The following PRKCZ variants were observed in gnomAD, a reference collection of about 807,000 sequenced individuals.
PRKCZ encodes protein kinase C zeta type.
A neutral mutation model predicts 79.5 loss-of-function variants in PRKCZ; 33 were observed. That is an observed-to-expected ratio of 0.41 (90% confidence interval 0.31 to 0.55). The LOEUF is 0.55. PRKCZ is among the 20% of genes least tolerant of loss of function. The probability of loss-of-function intolerance (pLI) is 0.19; values close to 1 mark genes in which losing one functional copy is unlikely to be tolerated. For missense variants in PRKCZ, 578 were observed against 813.5 expected, an observed-to-expected ratio of 0.71 and a Z score of 3.52; for synonymous variants, 342 against 320.9, an observed-to-expected ratio of 1.07 and a Z score of -0.70.
At chr1:2,162,136 C>G (rs367625640) in intron 10 of PRKCZ, among the ~76,000 whole-genome samples, 2 of 152,122 alleles carry the variant, frequency 1.3e-5, no homozygotes, top group South Asian at 4.1e-4. Flanking sequence ...CTGGGATTTT[C>G]TTTTCTTTTC....
rs58233626 is a variant in PRKCZ, at chr1:2,117,998, C to CCTTTTTTTTTTTTTTTTTTTTTTTTTTT, written c.335-17264_335-17263insCTTTTTTTTTTTTTTTTTTTTTTTTTTT. Among the ~76,000 whole-genome samples the CCTTTTTTTTTTTTTTTTTTTTTTTTTTT allele has an allele frequency of 9.2e-5, 6 of 65,058 alleles. 3 individuals carry two copies. Among genetic ancestry groups the CCTTTTTTTTTTTTTTTTTTTTTTTTTTT allele is most frequent in the African/African-American group, 1.2e-4 (2 of 16,166 alleles). The allele number at this position is 65,058 out of a possible 152,430, so 42.7% of individuals were successfully genotyped here. A position where few individuals can be genotyped will look rare whatever the true frequency, so the allele number is the denominator to read the frequency against. ...TATGAGAGAGATTAGCCTATTATTT[C>CCTTTTTTTTTTTTTTTTTTTTTTTTTTT]TTTTTTTTTTTTTTTTGGAGTCTCA... On this transcript the variant is annotated intron_variant, in intron 4 of 17. Coordinates refer to ENST00000378567, the MANE Select transcript of PRKCZ (RefSeq NM_002744.6).
At chr1:2,151,128 G>C (rs762454506) in intron 9 of PRKCZ, 150 bp downstream of exon 9, 1 of 973,764 alleles carries the variant, frequency 1.0e-6, no homozygotes, top group Non-Finnish European at 1.5e-6. Context: ...ATCGTGTAAT[G>C]ACCAGGATGT....
intron 4 of PRKCZ, among the ~76,000 whole-genome samples, chr1:2,132,400 C>T (rs1471083020): frequency 1.3e-5 from 2 of 152,184 alleles, no homozygotes; most frequent in Non-Finnish European, 2.9e-5. Flanking sequence ...GGCTGCCGGG[C>T]CCTAGGGGGA....
chr1:2,108,361 T>C (rs901606532), intron 4 of PRKCZ, among the ~76,000 whole-genome samples: 2 of 152,216 alleles, frequency 1.3e-5, no homozygotes, highest in African/African-American at 2.4e-5. Context: ...CCTGCAGCCA[T>C]GCATTGACCT....
At chr1:2,053,228 G>T (rs1659852784) in intron 1 of PRKCZ, among the ~76,000 whole-genome samples, 1 of 151,844 alleles carries the variant, frequency 6.6e-6, no homozygotes, top group Non-Finnish European at 1.5e-5. Flanking sequence ...AGCCTCCCTA[G>T]TATCTAGGAC....
rs1673680741 is a variant in PRKCZ, at chr1:2,125,452, A to T, written c.335-9810A>T. 6.6e-6 allele frequency among the ~76,000 whole-genome samples: 1 copy of T among 152,220 alleles called. No homozygotes were observed. Among genetic ancestry groups the T allele is most frequent in the African/African-American group, 2.4e-5 (1 of 41,464 alleles). On this transcript the variant is annotated intron_variant, in intron 4 of 17. Coordinates refer to ENST00000378567, the MANE Select transcript of PRKCZ (RefSeq NM_002744.6). This position sits in a 1 kb window ranked among gnomAD's most constrained non-coding sequence, Gnocchi z 4.2. ...TTCCTGAACGGCTGCTGACAGCAGCATTTGAGGACGGTGGGGCGGAGGACA... is the reference window on the plus strand; with the variant it reads ...TTCCTGAACGGCTGCTGACAGCAGCTTTTGAGGACGGTGGGGCGGAGGACA...
At chr1:2,176,132 G>A (rs1325311974) in intron 16 of PRKCZ, among the ~76,000 whole-genome samples, 7 of 152,106 alleles carry the variant, frequency 4.6e-5, no homozygotes, top group African/African-American at 1.2e-4. Flanking sequence ...GGGTGCATTC[G>A]GTAGAAACTA....
At chr1:2,154,571 A>G (rs1680564072) in intron 9 of PRKCZ, among the ~76,000 whole-genome samples, 1 of 152,192 alleles carries the variant, frequency 6.6e-6, no homozygotes, top group Non-Finnish European at 1.5e-5. Context: ...TGTGGCATGT[A>G]TCTGTAGTCC....
intron 4 of PRKCZ, among the ~76,000 whole-genome samples, chr1:2,066,208 C>T (rs1661110074): frequency 6.6e-6 from 1 of 152,146 alleles, no homozygotes; most frequent in African/African-American, 2.4e-5. Context: ...TAGTGCTGGC[C>T]TCACAGGATG....
chr1:2,060,427 G>A (rs369251789), intron 4 of PRKCZ, among the ~76,000 whole-genome samples: 1 of 152,194 alleles, frequency 6.6e-6, no homozygotes, highest in Admixed American at 6.5e-5. Context: ...TGGGCAGTTG[G>A]GGCGAGAGTC....
At chr1:2,182,152 C>G (rs1686727846) in intron 16 of PRKCZ, 1 of 238,302 alleles carries the variant, frequency 4.2e-6, no homozygotes, top group Admixed American at 5.8e-5. Context: ...TTTGTAAGTT[C>G]CCAAAAGCCT....
At chr1:2,138,031 A>T (rs1676575879) in intron 5 of PRKCZ, among the ~76,000 whole-genome samples, 1 of 152,160 alleles carries the variant, frequency 6.6e-6, no homozygotes, top group Admixed American at 6.5e-5. Context: ...TGATCTCGCC[A>T]CCTGCTCGTA....
intron 5 of PRKCZ, 84 bp downstream of exon 5, chr1:2,135,431 G>A (rs759333124): frequency 2.2e-5 from 28 of 1,289,592 alleles, no homozygotes; most frequent in South Asian, 6.9e-5. Flanking sequence ...GGCACGTCCC[G>A]CTGAGCCCAG....
chr1:2,169,731 G>A (rs1488013056), intron 11 of PRKCZ, 127 bp downstream of exon 11: 2 of 435,070 alleles, frequency 4.6e-6, no homozygotes, highest in Non-Finnish European at 3.8e-6. Flanking sequence ...GAGTTGGGGG[G>A]CCGGGTGGGT....
intron 4 of PRKCZ, among the ~76,000 whole-genome samples, chr1:2,086,484 G>C (rs577290223): frequency 4.6e-5 from 7 of 152,262 alleles, no homozygotes; most frequent in Admixed American, 1.3e-4. Context: ...CTTGGCGAGC[G>C]GCTCCCCCCA....
chr1:2,109,379 T>G (rs1364952624), intron 4 of PRKCZ, among the ~76,000 whole-genome samples: 2 of 152,148 alleles, frequency 1.3e-5, no homozygotes, highest in Non-Finnish European at 2.9e-5. Flanking sequence ...CTCTGGGGGG[T>G]GACCCTTGAC....
intron 4 of PRKCZ, among the ~76,000 whole-genome samples, chr1:2,118,528 G>A (rs995250403): frequency 4.0e-5 from 6 of 151,474 alleles, no homozygotes; most frequent in East Asian, 1.9e-4. Flanking sequence ...TAGTAGAGAC[G>A]AGGTTTCACC....
Position 2,075,677 on chromosome 1 carries a change from C to T in PRKCZ, c.334+16086C>T, listed in dbSNP as rs1285327136. Among the ~76,000 whole-genome samples the T allele has an allele frequency of 6.6e-6, 1 of 152,172 alleles. No homozygotes were observed. The highest frequency in any genetic ancestry group is 1.5e-5 in the Non-Finnish European group (1 of 68,024). Reference sequence around the variant, plus strand: ...CACCTCTGGGCTCCGGGCTCTGCTGCGATGTTTCCGAGGCTCCCAGTTAAT... The same window carrying T: ...CACCTCTGGGCTCCGGGCTCTGCTGTGATGTTTCCGAGGCTCCCAGTTAAT... On this transcript the variant is annotated intron_variant, in intron 4 of 17. Coordinates refer to ENST00000378567, the MANE Select transcript of PRKCZ (RefSeq NM_002744.6). The surrounding 1 kb of genome is among the most constrained non-coding windows in gnomAD (Gnocchi z 4.8).
chr1:2,111,820 A>G (rs1669796499), intron 4 of PRKCZ: 1 of 152,284 alleles, frequency 6.6e-6, no homozygotes, highest in African/African-American at 2.4e-5. Flanking sequence ...GGAGGGAGGT[A>G]CGTAGGCACT....
Sources: allele counts gnomAD v4.1 joint callset (sites outside exome capture counted in the v4.1 genomes callset), GRCh38; gene constraint gnomAD v4.1.1; non-coding constraint Gnocchi (gnomAD v3.1); transcripts MANE v1.5; gene names NCBI Gene and HGNC (gene_info 2026-07-23, HGNC 2026-07-21).